The following CHRNB3 variants were observed in gnomAD, a reference collection of about 807,000 sequenced individuals.
CHRNB3 encodes the protein neuronal acetylcholine receptor subunit beta-3.
In CHRNB3, 37 loss-of-function variants were observed where a neutral mutation model predicts 40.6. That is an observed-to-expected ratio of 0.91 (90% CI 0.70 to 1.20). The LOEUF (loss-of-function observed/expected upper bound fraction) is 1.20. Among genes scored for constraint, CHRNB3 ranks in the 50% most tolerant of loss-of-function variants. The pLI is 0.00. For synonymous variants in CHRNB3, 207 were observed against 207.1 expected (o/e 1.00, Z 0.00); for missense variants, 505 against 551.2 (o/e 0.92, Z 0.84).
intron 1 of CHRNB3, among the ~76,000 whole-genome samples, chr8:42,700,297 G>A (rs969575115): frequency 3.3e-5 from 5 of 151,212 alleles, no homozygotes; most frequent in Admixed American, 2.6e-4. Context: ...TTACAGGTGT[G>A]AGCCACTGCG....
chr8:42,711,638 G>A (rs190414682), intron 3 of CHRNB3, among the ~76,000 whole-genome samples: 7 of 152,094 alleles, frequency 4.6e-5, no homozygotes, highest in Admixed American at 1.3e-4. Context: ...CAAGTGATCC[G>A]CCCACCCCAG....
chr8:42,721,220 C>T (rs1463051394), intron 3 of CHRNB3, among the ~76,000 whole-genome samples: 1 of 152,238 alleles, frequency 6.6e-6, no homozygotes, highest in South Asian at 2.1e-4. Context: ...TAAACTAACA[C>T]TAGCAAAAAG....
intron 3 of CHRNB3, among the ~76,000 whole-genome samples, chr8:42,723,718 C>T (rs1352699868): frequency 2.0e-5 from 3 of 152,208 alleles, no homozygotes; most frequent in Admixed American, 2.0e-4. Context: ...CACTGACTAG[C>T]TGTGTGGCCT....
At chr8:42,715,893 T>C (rs74675009) in intron 3 of CHRNB3, among the ~76,000 whole-genome samples, 8,702 of 151,758 alleles carry the variant, frequency 0.057, 334 homozygotes, top group Middle Eastern at 0.11. Context: ...TACTTACTGC[T>C]CCAGTCCCTC....
intron 1 of CHRNB3, among the ~76,000 whole-genome samples, chr8:42,705,382 C>T (rs1012609289): frequency 6.6e-6 from 1 of 152,158 alleles, no homozygotes; most frequent in South Asian, 2.1e-4. Context: ...GGAAATTTGA[C>T]CCCCAACGCA....
intron 3 of CHRNB3, among the ~76,000 whole-genome samples, chr8:42,726,591 C>T (rs373132222): frequency 3.9e-5 from 6 of 151,924 alleles, no homozygotes; most frequent in African/African-American, 1.4e-4. Flanking sequence ...CCTCCGCCCC[C>T]AAGTTCAAGC....
chr8:42,725,993 C>T, intron 3 of CHRNB3: 2 of 1,148,554 alleles, frequency 1.7e-6, no homozygotes, highest in South Asian at 2.5e-5. Context: ...TCTGGCAATT[C>T]CAAGGTGTGG....
intron 3 of CHRNB3, among the ~76,000 whole-genome samples, chr8:42,720,111 CTTTTTTTTTTTTTTTTTTTT>C (rs869178430): frequency 2.1e-5 from 1 of 48,746 alleles, no homozygotes; most frequent in Non-Finnish European, 3.6e-5. Context: ...CAGAAGCCTT[CTTTTTTTTTTTTTTTTTTTT>C]TTTTTTTTTT....
intron 1 of CHRNB3, among the ~76,000 whole-genome samples, chr8:42,707,233 T>C (rs1229351253): frequency 6.6e-6 from 1 of 152,230 alleles, no homozygotes; most frequent in African/African-American, 2.4e-5. Flanking sequence ...CTTAGGAAAG[T>C]GCCTACAGAA....
chr8:42,717,896 A>G (rs62518184), intron 3 of CHRNB3, among the ~76,000 whole-genome samples: 8,326 of 146,388 alleles, frequency 0.057, 306 homozygotes, highest in Middle Eastern at 0.11. Context: ...ACAGTGGCAC[A>G]ATCTCGGCTC....
At position 42,723,105 on chromosome 8, in the gene CHRNB3, G is replaced by GT. The variant is rs536607621; in HGVS notation, c.250-7489_250-7488insT. On this transcript the variant is annotated intron_variant, in intron 3 of 5. Transcript: ENST00000289957. ...TTACTTAGATATTTACTAAAATATC[G>GT]AATAGGATATCCTATTACTTAGATA... Among the ~76,000 whole-genome samples, 15 of 127,574 alleles carry GT rather than the reference G, an allele frequency of 1.2e-4. 2 individuals are homozygous for GT. Among genetic ancestry groups the GT allele is most frequent in the African/African-American group, 3.6e-4 (12 of 33,524 alleles). The allele number at this position is 127,574 out of a possible 152,430, so 83.7% of individuals were successfully genotyped here.
chr8:42,700,247 C>T (rs1344171621), intron 1 of CHRNB3, among the ~76,000 whole-genome samples: 7 of 152,018 alleles, frequency 4.6e-5, no homozygotes, highest in Non-Finnish European at 8.8e-5. Flanking sequence ...AATCTCCTGA[C>T]CTCGTGATCC....
At chr8:42,728,286 G>A (rs557435720) in intron 3 of CHRNB3, among the ~76,000 whole-genome samples, 1 of 152,142 alleles carries the variant, frequency 6.6e-6, no homozygotes, top group Non-Finnish European at 1.5e-5. Flanking sequence ...TACACTTTGG[G>A]AGGTGAGGCA....
intron 3 of CHRNB3, among the ~76,000 whole-genome samples, chr8:42,717,741 G>T (rs933158444): frequency 4.0e-5 from 6 of 151,096 alleles, no homozygotes; most frequent in Non-Finnish European, 7.4e-5. Flanking sequence ...TGTCTGGGGG[G>T]TTACATGAGA....
chr8:42,703,456 ATATATG>A (rs1815861695), intron 1 of CHRNB3, among the ~76,000 whole-genome samples: 3 of 124,034 alleles, frequency 2.4e-5, no homozygotes, highest in Non-Finnish European at 5.4e-5. Flanking sequence ...ATATATATAT[ATATATG>A]TATCCACAAT....
chr8:42,710,322 A>G (rs1350047795), intron 2 of CHRNB3, 68 bp from the exon 3 acceptor site: 1 of 1,280,036 alleles, frequency 7.8e-7, no homozygotes, highest in Admixed American at 1.8e-5. Context: ...CATTTCTAAA[A>G]CAACAACAAA....
At chr8:42,707,165 G>A (rs1815935207) in intron 1 of CHRNB3, among the ~76,000 whole-genome samples, 1 of 152,222 alleles carries the variant, frequency 6.6e-6, no homozygotes, top group South Asian at 2.1e-4. Context: ...AGAGGACACA[G>A]CCCACTTCAC....
intron 1 of CHRNB3, among the ~76,000 whole-genome samples, chr8:42,700,700 T>A (rs986816621): frequency 6.6e-6 from 1 of 152,236 alleles, no homozygotes; most frequent in Admixed American, 6.5e-5. Flanking sequence ...AAGATTTTTA[T>A]GAAATCCTGT....
At position 42,710,376 on chromosome 8, in the gene CHRNB3, T is replaced by G; in HGVS notation, c.205-14T>G. 1 of 1,588,630 alleles carries G rather than the reference T, an allele frequency of 6.3e-7. No individual in the cohort carries two copies. ...CTTCAACTTACAGTATTTTTTAAAT[T>G]TTCATTTTCTTAGGATGAAAAGAAT... On this transcript the variant is annotated splice_polypyrimidine_tract_variant and intron_variant, in intron 2 of 5. Coordinates refer to ENST00000289957, the MANE Select transcript of CHRNB3 (RefSeq NM_000749.5).
Sources: gnomAD v4.1 joint callset for allele counts (sites outside exome capture counted in the v4.1 genomes callset) on GRCh38, gnomAD v4.1.1 for gene constraint, MANE v1.5 for transcripts, NCBI Gene and HGNC (gene_info 2026-07-23, HGNC 2026-07-21) for gene names.